SLC47A1: variants seen among roughly 807,000 people sequenced by gnomAD.
SLC47A1 encodes the protein solute carrier family 47 member 1, also known as multidrug and toxin extrusion protein 1.
In SLC47A1, 58 loss-of-function variants were observed where a neutral mutation model predicts 65.8. The ratio of observed to expected loss-of-function variants is 0.88; its 90% CI spans 0.71 to 1.10. SLC47A1 has a LOEUF of 1.10. SLC47A1 is among the 50% of genes least tolerant of loss of function. SLC47A1 has a pLI of 0.00. For missense variants in SLC47A1, 706 were observed against 719.2 expected, an observed-to-expected ratio of 0.98 and a Z score of 0.21; for synonymous variants, 285 against 295.0, an observed-to-expected ratio of 0.97 and a Z score of 0.35.
At chr17:19,554,303 G>A (rs918490528) in intron 6 of SLC47A1, among the ~76,000 whole-genome samples, 1 of 152,308 alleles carries the variant, frequency 6.6e-6, no homozygotes. Flanking sequence ...AGGCTAAGAA[G>A]GATGTTGAGG....
At chr17:19,537,305 C>T (rs1006752543) in intron 1 of SLC47A1, among the ~76,000 whole-genome samples, 1 of 152,264 alleles carries the variant, frequency 6.6e-6, no homozygotes, top group African/African-American at 2.4e-5. Context: ...CTGGAGAGAA[C>T]CGCTTTACCC....
At chr17:19,538,676 C>T (rs1207620249) in intron 1 of SLC47A1, among the ~76,000 whole-genome samples, 1 of 152,164 alleles carries the variant, frequency 6.6e-6, no homozygotes, top group African/African-American at 2.4e-5. Context: ...AGTTGCGAAA[C>T]CTCCTGGGCT....
chr17:19,543,195 C>T (rs1470453540), intron 2 of SLC47A1, among the ~76,000 whole-genome samples: 1 of 150,970 alleles, frequency 6.6e-6, no homozygotes, highest in African/African-American at 2.4e-5. Context: ...CTGCAACCTC[C>T]GATTCCTGGG....
intron 12 of SLC47A1, among the ~76,000 whole-genome samples, chr17:19,566,056 T>A (rs1277688257): frequency 6.6e-6 from 1 of 152,226 alleles, no homozygotes; most frequent in Non-Finnish European, 1.5e-5. Flanking sequence ...TCAGATTGAC[T>A]GTTTTGGTAT....
chr17:19,573,376 T>A (rs547210774), intron 16 of SLC47A1, among the ~76,000 whole-genome samples: 3 of 152,218 alleles, frequency 2.0e-5, no homozygotes, highest in Non-Finnish European at 4.4e-5. Context: ...TTTAAACACT[T>A]TGACTTCATA....
intron 6 of SLC47A1, among the ~76,000 whole-genome samples, chr17:19,553,240 T>G (rs142680501): frequency 6.6e-6 from 1 of 152,124 alleles, no homozygotes; most frequent in African/African-American, 2.4e-5. Context: ...GACTTTCAAG[T>G]AGGAGAGTCA....
chr17:19,533,897 C>T lies in SLC47A1; in HGVS notation c.-43C>T. On this transcript the variant is annotated 5_prime_UTR_variant, in exon 1 of 17. Coordinates refer to ENST00000270570, the MANE Select transcript of SLC47A1 (RefSeq NM_018242.3). Reference sequence around the variant, plus strand: ...ACTCACTGCCGGCCTCCGCGGTACCCACTGCCGGCCTCCGCGCTACCCGGC... The same window carrying T: ...ACTCACTGCCGGCCTCCGCGGTACCTACTGCCGGCCTCCGCGCTACCCGGC... The T allele has an allele frequency of 1.4e-6, 2 of 1,451,510 alleles. No individual in the cohort carries two copies. Among genetic ancestry groups the T allele is most frequent in the Non-Finnish European group, 1.8e-6 (2 of 1,106,454 alleles). The allele number at this position is 1,451,510 out of a possible 1,614,324, so 89.9% of individuals were successfully genotyped here.
chr17:19,539,685 C>T (rs1916086916), intron 1 of SLC47A1, among the ~76,000 whole-genome samples: 1 of 152,126 alleles, frequency 6.6e-6, no homozygotes, highest in South Asian at 2.1e-4. Flanking sequence ...GGGGCTTCAC[C>T]ATGTTGGCCA....
rs756883801 is a variant in SLC47A1 at position 19,555,787 on chromosome 17, C to T, written c.740-9C>T. ...AGATCTCCTGGAAATGTGTGTGTCC[C>T]CCCCACAGGCTGGTCCCTCGAGTGC... On this transcript the variant is annotated splice_polypyrimidine_tract_variant and intron_variant, in intron 8 of 16. Transcript: ENST00000270570. The T allele has an allele frequency of 1.2e-6, 2 of 1,613,360 alleles. No homozygotes were observed. The highest frequency in any genetic ancestry group is 1.7e-6 in the Non-Finnish European group (2 of 1,179,918).
At chr17:19,543,136 G>C (rs1280667561) in intron 2 of SLC47A1, among the ~76,000 whole-genome samples, 1 of 143,112 alleles carries the variant, frequency 7.0e-6, no homozygotes, top group Admixed American at 7.2e-5. Flanking sequence ...TTCAGACGGA[G>C]TCTTGCTCCG....
chr17:19,558,920 A>G (rs1406574061), intron 10 of SLC47A1, among the ~76,000 whole-genome samples: 1 of 152,166 alleles, frequency 6.6e-6, no homozygotes, highest in Non-Finnish European at 1.5e-5. Flanking sequence ...CAATCTGTGT[A>G]TCAGATTTTC....
chr17:19,535,820 A>G (rs1373458185), intron 1 of SLC47A1, among the ~76,000 whole-genome samples: 2 of 152,180 alleles, frequency 1.3e-5, no homozygotes, highest in Non-Finnish European at 2.9e-5. Flanking sequence ...TAAGTCAGGA[A>G]GCAGCTGTGC....
intron 6 of SLC47A1, among the ~76,000 whole-genome samples, 158 bp from the exon 7 acceptor site, chr17:19,555,054 G>C (rs1369405477): frequency 6.6e-6 from 1 of 152,140 alleles, no homozygotes; most frequent in Non-Finnish European, 1.5e-5. Context: ...AGAGTGGAAA[G>C]GCAGGAGCAA....
Position 19,563,294 on chromosome 17 carries a change from G to A in SLC47A1, c.1106+2801G>A, listed in dbSNP as rs576790984. ...ACTACAGGCGCCCGCCACCACGCTC[G>A]GCTAATTTTTTGTATTTTTGGTAGA... On this transcript the variant is annotated intron_variant, in intron 12 of 16. Transcript: ENST00000270570. Among the ~76,000 whole-genome samples, 108 of 151,716 alleles carry A rather than the reference G, an allele frequency of 7.1e-4. 4 individuals are homozygous for A. The highest frequency in any genetic ancestry group is 2.6e-3 in the African/African-American group (106 of 41,372).
chr17:19,534,203 AT>A, intron 1 of SLC47A1, 129 bp downstream of exon 1: 1 of 1,246,964 alleles, frequency 8.0e-7, no homozygotes, highest in Non-Finnish European at 1.0e-6. Flanking sequence ...TCCGGGGAGC[AT>A]CGTGCCAGGA....
At chr17:19,562,254 T>G (rs1367952728) in intron 12 of SLC47A1, among the ~76,000 whole-genome samples, 1 of 152,146 alleles carries the variant, frequency 6.6e-6, no homozygotes, top group Non-Finnish European at 1.5e-5. Context: ...GCTTCAGCTA[T>G]TTTGTTATGG....
At chr17:19,569,239 G>T (rs746449915) in intron 14 of SLC47A1, among the ~76,000 whole-genome samples, 1 of 151,936 alleles carries the variant, frequency 6.6e-6, no homozygotes, top group African/African-American at 2.4e-5. Context: ...AGGTGTGGTG[G>T]TGTGCGCCTG....
At chr17:19,561,365 C>T (rs942441266) in intron 12 of SLC47A1, among the ~76,000 whole-genome samples, 13 of 151,864 alleles carry the variant, frequency 8.6e-5, no homozygotes, top group African/African-American at 1.2e-4. Context: ...GAGGCTCGGC[C>T]GGGCGCGGTG....
intron 10 of SLC47A1, 23 bp downstream of exon 10, chr17:19,556,085 G>T: frequency 6.2e-7 from 1 of 1,612,934 alleles, no homozygotes; most frequent in Non-Finnish European, 8.5e-7. Context: ...GCCGATCATG[G>T]GGAGGTGCCA....
Sources: allele counts gnomAD v4.1 joint callset (sites outside exome capture counted in the v4.1 genomes callset), GRCh38; gene constraint gnomAD v4.1.1; transcripts MANE v1.5; gene names NCBI Gene and HGNC (gene_info 2026-07-23, HGNC 2026-07-21).